The following F13B variants were observed in gnomAD, a reference collection of about 807,000 sequenced individuals.
The protein encoded by F13B is TGase.
A neutral mutation model predicts 79.8 loss-of-function variants in F13B; 58 were observed. The ratio of observed to expected loss-of-function variants is 0.73; its 90% CI spans 0.59 to 0.90. The LOEUF (loss-of-function observed/expected upper bound fraction) is 0.90, where lower values mean the gene tolerates loss of function less well. F13B is among the 40% of genes least tolerant of loss of function. The pLI is 0.00. For missense variants in F13B, 773 were observed against 777.0 expected (o/e 0.99, Z 0.06); for synonymous variants, 283 against 260.3 (o/e 1.09, Z -0.84).
At chr1:197,061,743 G>T (rs1436944154) in intron 3 of F13B, 41 bp downstream of exon 3, 2 of 1,526,738 alleles carry the variant, frequency 1.3e-6, no homozygotes, top group Admixed American at 3.4e-5. Flanking sequence ...ATATAAGCTT[G>T]ATAAGCACTT....
chr1:197,058,024 C>T (rs960294585), intron 5 of F13B, among the ~76,000 whole-genome samples: 9 of 152,098 alleles, frequency 5.9e-5, no homozygotes, highest in East Asian at 5.8e-4. Flanking sequence ...TGCAAGGAGT[C>T]GGTTAAGCCG....
At chr1:197,039,564 A>G (rs1439529403) in intron 11 of F13B, among the ~76,000 whole-genome samples, 153 bp from the exon 12 acceptor site, 1 of 152,078 alleles carries the variant, frequency 6.6e-6, no homozygotes, top group African/African-American at 2.4e-5. Flanking sequence ...TAATACCACC[A>G]GTTCCCTTTT....
At chr1:197,056,976 T>C in intron 7 of F13B, 37 bp downstream of exon 7, 1 of 1,607,348 alleles carries the variant, frequency 6.2e-7, no homozygotes, top group Non-Finnish European at 8.5e-7. Flanking sequence ...TTTTACACCA[T>C]AAGTTTAGCT....
At position 197,057,576 on chromosome 1, in the gene F13B, T is replaced by C. The variant is rs991888059; in HGVS notation, c.806-111A>G. 6 of 1,146,206 alleles carry C rather than the reference T, an allele frequency of 5.2e-6. No individual in the cohort carries two copies. The African/African-American group carries it at 9.3e-5, about 18-fold the overall frequency. The allele number at this position is 1,146,206 out of a possible 1,614,324, so 71.0% of individuals were successfully genotyped here. On this transcript the variant is annotated intron_variant, in intron 5 of 11. Coordinates refer to ENST00000367412, the MANE Select transcript of F13B (RefSeq NM_001994.3). ...ATCATAGAGAGAATGGCAGACTGAT[T>C]CTAGGAGCATTCCTTTGATCCTCAC...
chr1:197,060,850 G>GA, intron 4 of F13B, 49 bp downstream of exon 4: 1 of 1,545,456 alleles, frequency 6.5e-7, no homozygotes, highest in Non-Finnish European at 8.9e-7. Context: ...TTCTCTATGA[G>GA]AAAAAGCTTT....
intron 1 of F13B, among the ~76,000 whole-genome samples, chr1:197,066,642 T>C (rs1656061276): frequency 6.6e-6 from 1 of 152,176 alleles, no homozygotes; most frequent in African/African-American, 2.4e-5. Flanking sequence ...AATTATATGG[T>C]TCACCTACTA....
Position 197,057,066 on chromosome 1 carries a change from G to A in F13B, c.1118C>T (p.Ser373Leu), listed in dbSNP as rs376931227. 4 of 1,613,670 alleles carry A rather than the reference G, an allele frequency of 2.5e-6. No homozygotes were observed. Among genetic ancestry groups the A allele is most frequent in the Non-Finnish European group, 3.4e-6 (4 of 1,179,882 alleles). ...ACKSGYLLHG[S>L]NEITCNRGKW... ...TCCACGATTACAAGTTATCTCATTC[G>A]ATCCATGGAGAAGGTAGCCGCTTTT... Residue 373 changes from serine (S) to leucine (L), a missense_variant, in exon 7 of 12, where the codon TCG becomes TTG. Transcript: ENST00000367412.
chr1:197,060,693 G>T, intron 4 of F13B, 151 bp from the exon 5 acceptor site: 1 of 736,414 alleles, frequency 1.4e-6, no homozygotes, highest in Non-Finnish European at 2.2e-6. Context: ...ATATCATTAG[G>T]CTTATTCTAA....
intron 2 of F13B, among the ~76,000 whole-genome samples, chr1:197,062,211 C>T (rs1402822565): frequency 6.6e-6 from 1 of 152,064 alleles, no homozygotes; most frequent in Non-Finnish European, 1.5e-5. Context: ...GATATATCAA[C>T]CACAATAGCC....
rs375132091 is a variant in F13B at position 197,061,774 on chromosome 1, A to G, written c.451+10T>C. On this transcript the variant is annotated intron_variant, in intron 3 of 11. Transcript: ENST00000367412. ...CACTTATCTTCAGTTTTAGGAAATG[A>G]TTCTTATACCATGTTCTTTCCTACA... The G allele has an allele frequency of 7.0e-5, 113 of 1,611,498 alleles. No homozygotes were observed. The highest frequency in any genetic ancestry group is 9.3e-5 in the Non-Finnish European group (109 of 1,178,114).
At chr1:197,066,935 A>C (rs1436484020) in intron 1 of F13B, among the ~76,000 whole-genome samples, 2 of 152,174 alleles carry the variant, frequency 1.3e-5, no homozygotes, top group East Asian at 3.9e-4. Flanking sequence ...TAGAGATACA[A>C]GGGTTTTTGT....
In F13B at chr1:197,055,795, C is replaced by A; in HGVS notation, c.1274G>T (p.Cys425Phe). 1 of 1,613,570 alleles carries A rather than the reference C, an allele frequency of 6.2e-7. No homozygotes were observed. The highest frequency in any genetic ancestry group is 1.3e-5 in the African/African-American group (1 of 74,994). ...YATGSSVEYR[C>F]NEYYLLRGSK... ...TCCCCTCAGTAAGTAATATTCATTG[C>A]ATCTATATTCCACTGAGGATCCTGT... The change falls in exon 8 of 12, where the codon TGC (cysteine) becomes TTC (phenylalanine). Residue 425 changes from cysteine (C) to phenylalanine (F), a missense_variant. Coordinates refer to ENST00000367412, the MANE Select transcript of F13B (RefSeq NM_001994.3).
chr1:197,065,696 T>C (rs2298882), intron 1 of F13B, among the ~76,000 whole-genome samples: 1 of 151,952 alleles, frequency 6.6e-6, no homozygotes, highest in Non-Finnish European at 1.5e-5. Flanking sequence ...GATGACATTC[T>C]TACAGAAAGA....
intron 10 of F13B, 77 bp downstream of exon 10, chr1:197,050,620 T>C (rs540909423): frequency 3.1e-6 from 4 of 1,274,186 alleles, no homozygotes; most frequent in Admixed American, 3.7e-5. Flanking sequence ...TATATTAGTG[T>C]TATGTTAACT....
Position 197,060,984 on chromosome 1 carries a change from A to G in F13B, c.543T>C (p.Ala181=), listed in dbSNP as rs1655837001. The G allele has an allele frequency of 6.2e-7, 1 of 1,611,864 alleles. No homozygotes were observed. The highest frequency in any genetic ancestry group is 8.5e-7 in the Non-Finnish European group (1 of 1,178,158). Residue 181 remains alanine, a synonymous_variant, in exon 4 of 12, where the codon GCT becomes GCC. Coordinates refer to ENST00000367412, the MANE Select transcript of F13B (RefSeq NM_001994.3). ...KVKDKVQYEC[A]TGYYTAGGKK... The stretch of plus-strand genomic sequence containing the variant: ...TTCCTCCAGCTGTGTAGTAGCCAGT[A>G]GCACATTCGTATTGTACTTTGTCCT...
intron 7 of F13B, among the ~76,000 whole-genome samples, chr1:197,056,763 G>A (rs572917774): frequency 1.7e-4 from 26 of 152,230 alleles, no homozygotes; most frequent in Middle Eastern, 3.4e-3. Context: ...TCAGATAACC[G>A]TGCTTAGCAC....
chr1:197,051,726 T>C (rs1188518913), intron 9 of F13B, among the ~76,000 whole-genome samples: 2 of 152,136 alleles, frequency 1.3e-5, no homozygotes, highest in East Asian at 3.8e-4. Flanking sequence ...TAGAATATGA[T>C]GGTGGTGAAT....
At chr1:197,055,621 A>G in intron 8 of F13B, 94 bp downstream of exon 8, 3 of 1,345,034 alleles carry the variant, frequency 2.2e-6, no homozygotes, top group Non-Finnish European at 3.2e-6. Context: ...GTGAAAAAAG[A>G]TTTGTACAAA....
chr1:197,040,609 G>A lies in F13B; in HGVS notation c.1865C>T (p.Pro622Leu), dbSNP rs748133917. 1.9e-6 allele frequency: 3 copies of A among 1,612,756 alleles called. No individual in the cohort carries two copies. Among genetic ancestry groups the A allele is most frequent in the Non-Finnish European group, 2.5e-6 (3 of 1,179,178 alleles). The part of the protein sequence containing the change: ...IEFICRGDTY[P>L]AELYITGSIL... ...AGATCCAGTAATATATAATTCAGCT[G>A]GATAAGTATCTCCTCTACAAATAAA... The change falls in exon 11 of 12, where the codon CCA becomes CTA. Residue 622 changes from proline (P) to leucine (L), a missense_variant. Coordinates refer to ENST00000367412, the MANE Select transcript of F13B (RefSeq NM_001994.3).
Sources: gnomAD v4.1 joint callset for allele counts (sites outside exome capture counted in the v4.1 genomes callset) on GRCh38, gnomAD v4.1.1 for gene constraint, MANE v1.5 for transcripts, NCBI Gene and HGNC (gene_info 2026-07-23, HGNC 2026-07-21) for gene names.